Variants in IL23R observed in about 807,000 individuals in gnomAD.
IL23R encodes interleukin-23 receptor.
In IL23R, 34 loss-of-function variants were observed where a neutral mutation model predicts 56.9. The observed-to-expected ratio is 0.60, with a 90% confidence interval of 0.45 to 0.80. The LOEUF (loss-of-function observed/expected upper bound fraction) is 0.80, where lower values mean the gene tolerates loss of function less well. Ranked by LOEUF, IL23R falls within the 30% of genes least tolerant of loss-of-function variation. The pLI is 0.00. For synonymous variants in IL23R, 230 were observed against 249.2 expected, an observed-to-expected ratio of 0.92 and a Z score of 0.73; for missense variants, 635 against 730.0, an observed-to-expected ratio of 0.87 and a Z score of 1.50.
chr1:67,144,866 C>A (rs1210334804), intron 1 of IL23R, among the ~76,000 whole-genome samples: 1 of 152,168 alleles, frequency 6.6e-6, no homozygotes, highest in Non-Finnish European at 1.5e-5. Context: ...ATTTCTCACT[C>A]TGATCTATCT....
chr1:67,220,551 T>A lies in IL23R; in HGVS notation c.955+821T>A, dbSNP rs112476294. ...GGCTTACTACAATTTATATAATGGT[T>A]CTCAAACATTCCTGGGTATAAAAAC... On this transcript the variant is annotated intron_variant, in intron 7 of 10. Transcript: ENST00000347310. 3.3e-5 allele frequency among the ~76,000 whole-genome samples: 5 copies of A among 152,146 alleles called. 1 individual carries two copies. The highest frequency in any genetic ancestry group is 1.2e-4 in the African/African-American group (5 of 41,518).
intron 1 of IL23R, 148 bp from the exon 2 acceptor site, chr1:67,167,944 C>A: frequency 8.9e-6 from 5 of 560,856 alleles, no homozygotes; most frequent in South Asian, 2.6e-5. Context: ...GCTCTGTTTC[C>A]TTCCTTCCTT....
At position 67,252,818 on chromosome 1, in the gene IL23R, AAG is replaced by A. The variant is rs869122104; in HGVS notation, c.1149-3013_1149-3012del. On this transcript the variant is annotated intron_variant, in intron 9 of 10. Transcript: ENST00000347310. ...AAATTTATAGACAAAAAAAAAAAAA[AAG>A]AGAGAAGTGACATACAGAAATTGGC... Among the ~76,000 whole-genome samples the A allele has an allele frequency of 3.2e-3, 448 of 141,918 alleles. 11 individuals are homozygous for A. Among genetic ancestry groups the A allele is most frequent in the Middle Eastern group, 0.025 (7 of 282 alleles). The allele number at this position is 141,918 out of a possible 152,430, so 93.1% of individuals were successfully genotyped here.
upstream of IL23R, among the ~76,000 whole-genome samples, chr1:67,164,121 T>A (rs1646848227): frequency 6.6e-6 from 1 of 151,934 alleles, no homozygotes; most frequent in Non-Finnish European, 1.5e-5. Context: ...TGATAAAAGG[T>A]TAATATCCAA....
At chr1:67,207,666 A>G (rs953679482) in intron 6 of IL23R, 57 of 394,522 alleles carry the variant, frequency 1.4e-4, no homozygotes, top group African/African-American at 1.2e-3. Flanking sequence ...GCCTCCCACC[A>G]TGATTCTGAG....
chr1:67,175,731 G>A (rs1012842084), intron 3 of IL23R, among the ~76,000 whole-genome samples: 1 of 152,176 alleles, frequency 6.6e-6, no homozygotes, highest in African/African-American at 2.4e-5. Context: ...AAAATGAGTA[G>A]TGGAAAATGT....
At chr1:67,169,761 C>G (rs1379483349) in intron 3 of IL23R, 123 bp downstream of exon 3, 14 of 938,888 alleles carry the variant, frequency 1.5e-5, no homozygotes, top group Non-Finnish European at 2.3e-5. Context: ...TAGTTTCATA[C>G]AGGAGCTGCA....
At chr1:67,217,929 C>T (rs2100219025) in intron 6 of IL23R, among the ~76,000 whole-genome samples, 1 of 150,592 alleles carries the variant, frequency 6.6e-6, no homozygotes, top group South Asian at 2.1e-4. Flanking sequence ...ATCGTTGTAA[C>T]TTTCTCTTTC....
downstream of IL23R, among the ~76,000 whole-genome samples, chr1:67,260,333 C>A (rs1653162347): frequency 6.6e-6 from 1 of 152,106 alleles, no homozygotes; most frequent in Non-Finnish European, 1.5e-5. Context: ...GTAACAGATG[C>A]AGGATCAGCA....
At chr1:67,165,832 A>G (rs1333092512), upstream of IL23R, among the ~76,000 whole-genome samples, 1 of 152,138 alleles carries the variant, frequency 6.6e-6, no homozygotes, top group Non-Finnish European at 1.5e-5. Context: ...AAAGGAAGCT[A>G]TTGGTCGAAG....
chr1:67,235,967 T>C (rs1453346948), intron 7 of IL23R, among the ~76,000 whole-genome samples: 1 of 152,182 alleles, frequency 6.6e-6, no homozygotes, highest in Admixed American at 6.5e-5. Context: ...CTTCTGCCAG[T>C]TGGGAGAATT....
At chr1:67,192,046 A>C (rs1647789659) in intron 4 of IL23R, among the ~76,000 whole-genome samples, 1 of 152,216 alleles carries the variant, frequency 6.6e-6, no homozygotes, top group African/African-American at 2.4e-5. Flanking sequence ...TATAATACAG[A>C]ATGCATGACA....
chr1:67,261,120 T>C, downstream of IL23R, among the ~76,000 whole-genome samples: 1 of 151,802 alleles, frequency 6.6e-6, no homozygotes, highest in Non-Finnish European at 1.5e-5. Flanking sequence ...AGCAATTTTA[T>C]GGTCATTAAG....
intron 6 of IL23R, among the ~76,000 whole-genome samples, chr1:67,212,900 G>C (rs1388958731): frequency 2.7e-5 from 4 of 150,824 alleles, no homozygotes; most frequent in Admixed American, 6.6e-5. Context: ...TTTAGACAGA[G>C]TCTCACTGTG....
At chr1:67,179,972 TG>T (rs1553285066) in intron 3 of IL23R, among the ~76,000 whole-genome samples, 1 of 152,244 alleles carries the variant, frequency 6.6e-6, no homozygotes, top group Admixed American at 6.5e-5. Context: ...GATTGCACTG[TG>T]GTCTGAGAGA....
chr1:67,203,182 T>G (rs1425289189), intron 5 of IL23R, among the ~76,000 whole-genome samples: 1 of 152,252 alleles, frequency 6.6e-6, no homozygotes, highest in Non-Finnish European at 1.5e-5. Context: ...TAGCACCTTC[T>G]GTGTTCCAGA....
At chr1:67,247,408 G>C (rs920242142) in intron 9 of IL23R, among the ~76,000 whole-genome samples, 1 of 151,986 alleles carries the variant, frequency 6.6e-6, no homozygotes, top group Non-Finnish European at 1.5e-5. Flanking sequence ...AGGTGCAAGG[G>C]ATTCTCCTGC....
chr1:67,187,109 C>T (rs1647395665), intron 4 of IL23R, among the ~76,000 whole-genome samples: 1 of 152,106 alleles, frequency 6.6e-6, no homozygotes, highest in Admixed American at 6.6e-5. Context: ...GAATAGAATT[C>T]CTGGGTCTCT....
intron 3 of IL23R, among the ~76,000 whole-genome samples, chr1:67,173,102 A>G (rs528932532): frequency 6.6e-6 from 1 of 152,202 alleles, no homozygotes; most frequent in African/African-American, 2.4e-5. Flanking sequence ...AAGAGCAAAA[A>G]CATAAGCCCC....
Sources: gnomAD v4.1 joint callset for allele counts (sites outside exome capture counted in the v4.1 genomes callset) on GRCh38, gnomAD v4.1.1 for gene constraint, MANE v1.5 for transcripts, NCBI Gene and HGNC (gene_info 2026-07-23, HGNC 2026-07-21) for gene names.